The following DPH6 variants were observed in gnomAD, a reference collection of about 807,000 sequenced individuals.
DPH6 encodes the protein diphthamine biosynthesis 6, also known as diphthine--ammonia ligase.
In DPH6, 33 loss-of-function variants were observed where a neutral mutation model predicts 38.2. That is an observed-to-expected ratio of 0.86 (90% CI 0.65 to 1.15). The LOEUF (loss-of-function observed/expected upper bound fraction) is 1.15. DPH6 is among the 50% of genes most tolerant of loss of function. The pLI, the probability that DPH6 is intolerant of heterozygous loss-of-function variation, is 0.00. For synonymous variants in DPH6, 108 were observed against 103.0 expected (o/e 1.05, Z -0.30); for missense variants, 325 against 320.0 (o/e 1.02, Z -0.12).
At chr15:35,454,875 C>T (rs1595379843) in intron 3 of DPH6, 55 bp from the exon 4 acceptor site, 1 of 1,290,066 alleles carries the variant, frequency 7.8e-7, no homozygotes, top group Non-Finnish European at 1.1e-6. Context: ...AATGGCTCCA[C>T]ATCATGCTCT....
At chr15:35,514,793 G>A (rs1041398312) in intron 3 of DPH6, among the ~76,000 whole-genome samples, 3 of 152,204 alleles carry the variant, frequency 2.0e-5, no homozygotes, top group Non-Finnish European at 4.4e-5. Context: ...AAAATTATAA[G>A]CTAAGTGAAG....
At chr15:35,433,257 A>G (rs1283183110) in intron 5 of DPH6, among the ~76,000 whole-genome samples, 1 of 152,330 alleles carries the variant, frequency 6.6e-6, no homozygotes, top group East Asian at 1.9e-4. Flanking sequence ...TGGAAAAATT[A>G]AAGGATGATA....
the DPH6 span, among the ~76,000 whole-genome samples, chr15:35,206,747 G>A: frequency 6.6e-6 from 1 of 152,080 alleles, no homozygotes; most frequent in African/African-American, 2.4e-5. Flanking sequence ...TACTTTATTT[G>A]CCAATTACTT....
intron 3 of DPH6, among the ~76,000 whole-genome samples, chr15:35,302,257 T>TACAGAAAATGGGTTATAC (rs1224913118): frequency 1.3e-5 from 2 of 152,214 alleles, no homozygotes; most frequent in East Asian, 3.8e-4. Context: ...ATTTTCTGTA[T>TACAGAAAATGGGTTATAC]AACCCATTTT....
At chr15:35,161,880 T>C in the DPH6 span, among the ~76,000 whole-genome samples, 8 of 151,970 alleles carry the variant, frequency 5.3e-5, no homozygotes, top group Non-Finnish European at 1.2e-4. Context: ...TGGTATTTTG[T>C]TATAGCAGCC....
chr15:35,192,008 T>C, the DPH6 span, among the ~76,000 whole-genome samples: 1 of 152,200 alleles, frequency 6.6e-6, no homozygotes, highest in African/African-American at 2.4e-5. Flanking sequence ...GTCTCAGTGA[T>C]TGGCTTTCTG....
At chr15:35,401,942 G>A (rs979347666) in intron 6 of DPH6, among the ~76,000 whole-genome samples, 2 of 152,150 alleles carry the variant, frequency 1.3e-5, no homozygotes, top group Non-Finnish European at 2.9e-5. Flanking sequence ...AAGACTCAAG[G>A]ACTGTATTTG....
At chr15:35,375,636 A>G (rs1351771425) in intron 7 of DPH6, among the ~76,000 whole-genome samples, 1 of 152,124 alleles carries the variant, frequency 6.6e-6, no homozygotes, top group Non-Finnish European at 1.5e-5. Flanking sequence ...TAATCAGTGT[A>G]GCAGTTACCA....
At chr15:35,519,236 T>C (rs1232097983) in intron 3 of DPH6, 1 of 151,948 alleles carries the variant, frequency 6.6e-6, no homozygotes, top group Non-Finnish European at 1.5e-5. Flanking sequence ...CTTTAGTCAT[T>C]GTGTAACTCC....
intron 3 of DPH6, among the ~76,000 whole-genome samples, chr15:35,280,936 A>T (rs1286769430): frequency 6.6e-6 from 1 of 152,058 alleles, no homozygotes; most frequent in African/African-American, 2.4e-5. Context: ...TTCAAATATG[A>T]TATATATATT....
At chr15:35,210,939 T>C in the DPH6 span, among the ~76,000 whole-genome samples, 1 of 140,928 alleles carries the variant, frequency 7.1e-6, no homozygotes. Context: ...AGGACATAGA[T>C]AGATCACTTT....
At chr15:35,485,282 AC>A (rs2054382092) in intron 3 of DPH6, among the ~76,000 whole-genome samples, 1 of 152,040 alleles carries the variant, frequency 6.6e-6, no homozygotes, top group African/African-American at 2.4e-5. Context: ...GAATGAGAAA[AC>A]CTTTGTGAAG....
At chr15:35,545,906 AGCGACAGACAGGGAGGAGGC>A (rs1226802778) in intron 1 of DPH6, among the ~76,000 whole-genome samples, 193 bp downstream of exon 1, 3 of 152,098 alleles carry the variant, frequency 2.0e-5, no homozygotes. Flanking sequence ...AAGACCAGAG[AGCGACAGACAGGGAGGAGGC>A]GCGCCAGCCA....
chr15:35,520,696 G>A lies in DPH6; in HGVS notation c.312+17578C>T, dbSNP rs1033092796. ...TAATATCCTGAATTGCTGAACCTCT[G>A]TAGAAACATGGACATTAGCTGTGAG... On this transcript the variant is annotated intron_variant, in intron 3 of 8. Transcript: ENST00000256538. 6 of 984,782 alleles carry A rather than the reference G, an allele frequency of 6.1e-6. No individual in the cohort carries two copies. The Admixed American group carries it at 1.9e-4, about 30-fold the overall frequency. The allele number at this position is 984,782 out of a possible 1,614,324, so 61.0% of individuals were successfully genotyped here. A position where few individuals can be genotyped will look rare whatever the true frequency, so the allele number is the denominator to read the frequency against.
the DPH6 span, among the ~76,000 whole-genome samples, chr15:35,157,040 T>A: frequency 6.6e-6 from 1 of 152,142 alleles, no homozygotes; most frequent in Non-Finnish European, 1.5e-5. Context: ...TTAACAAGAA[T>A]CATTACACAA....
chr15:35,534,001 A>T (rs920351739), intron 3 of DPH6, among the ~76,000 whole-genome samples: 1 of 152,126 alleles, frequency 6.6e-6, no homozygotes, highest in South Asian at 2.1e-4. Context: ...TTATTCTTGG[A>T]TATGAAAAGG....
At chr15:35,416,962 T>C (rs1397336152) in intron 5 of DPH6, among the ~76,000 whole-genome samples, 1 of 152,090 alleles carries the variant, frequency 6.6e-6, no homozygotes, top group African/African-American at 2.4e-5. Context: ...AGGGATGTTG[T>C]AGGAAGATTA....
intron 7 of DPH6, among the ~76,000 whole-genome samples, chr15:35,375,943 T>C (rs995136494): frequency 1.3e-5 from 2 of 152,136 alleles, no homozygotes; most frequent in Admixed American, 6.6e-5. Context: ...TGCTCAAACA[T>C]ACGGTTTCTG....
At chr15:35,232,803 A>G (rs957515957) in intron 3 of DPH6, among the ~76,000 whole-genome samples, 1 of 152,230 alleles carries the variant, frequency 6.6e-6, no homozygotes, top group African/African-American at 2.4e-5. Flanking sequence ...GCCTAGCAAT[A>G]TTTATCTTAA....
Sources: gnomAD v4.1 joint callset for allele counts (sites outside exome capture counted in the v4.1 genomes callset) on GRCh38, gnomAD v4.1.1 for gene constraint, MANE v1.5 for transcripts, NCBI Gene and HGNC (gene_info 2026-07-23, HGNC 2026-07-21) for gene names.